PIP5K1B: variants seen among roughly 807,000 people sequenced by gnomAD.
PIP5K1B encodes phosphatidylinositol 4-phosphate 5-kinase type-1 beta.
Under a neutral mutation model 67.0 loss-of-function variants are expected in PIP5K1B, and 42 were observed. The observed-to-expected ratio is 0.63, with a 90% CI of 0.49 to 0.81. The LOEUF (loss-of-function observed/expected upper bound fraction) is 0.81, where lower values mean the gene tolerates loss of function less well. PIP5K1B is among the 30% of genes least tolerant of loss of function. The pLI, the probability that PIP5K1B is intolerant of heterozygous loss-of-function variation, is 0.00. For missense variants in PIP5K1B, 459 were observed against 646.3 expected (o/e 0.71, Z 3.14); for synonymous variants, 214 against 231.4 (o/e 0.92, Z 0.68).
chr9:68,963,247 A>C (rs1828840741), intron 14 of PIP5K1B: 2 of 456,080 alleles, frequency 4.4e-6, no homozygotes, highest in Non-Finnish European at 8.8e-6. Flanking sequence ...TCACACCTGT[A>C]ATCCCAGCAC....
intron 4 of PIP5K1B, among the ~76,000 whole-genome samples, chr9:68,852,270 T>G (rs764440263): frequency 5.9e-5 from 9 of 152,092 alleles, no homozygotes; most frequent in Non-Finnish European, 1.2e-4. Flanking sequence ...TGCAAAGATG[T>G]GGGAGAAATG....
intron 4 of PIP5K1B, among the ~76,000 whole-genome samples, chr9:68,823,787 C>T (rs1288536679): frequency 1.3e-5 from 2 of 152,166 alleles, no homozygotes; most frequent in African/African-American, 4.8e-5. Flanking sequence ...GGACAGCCTG[C>T]AAGACGTTTA....
rs115435266 is a variant in PIP5K1B at position 68,834,367 on chromosome 9, A to G, written c.69+11684A>G. ...TATCATTGCCTTTGTCCACCCTCCC[A>G]GGCAGTGGCTGTCAGTCACCCTCCC... is the stretch of plus-strand genomic sequence containing the variant. On this transcript the variant is annotated intron_variant, in intron 4 of 15. Coordinates refer to ENST00000265382, the MANE Select transcript of PIP5K1B (RefSeq NM_003558.4). Among the ~76,000 whole-genome samples the G allele has an allele frequency of 8.6e-3, 1,304 of 152,240 alleles. 26 individuals are homozygous for G. Among genetic ancestry groups the G allele is most frequent in the African/African-American group, 0.03 (1,235 of 41,530 alleles).
chr9:68,852,486 G>A (rs1822542496), intron 4 of PIP5K1B, among the ~76,000 whole-genome samples: 1 of 152,134 alleles, frequency 6.6e-6, no homozygotes, highest in Admixed American at 6.5e-5. Flanking sequence ...CCTTAAGGAG[G>A]GAGGGATGGA....
At chr9:68,724,907 A>G (rs915573510) in intron 1 of PIP5K1B, among the ~76,000 whole-genome samples, 4 of 152,132 alleles carry the variant, frequency 2.6e-5, no homozygotes, top group Non-Finnish European at 5.9e-5. Flanking sequence ...AAAGTGAACA[A>G]CTCAAATTTT....
chr9:68,780,085 AGC>A, intron 2 of PIP5K1B: 3 of 1,424,352 alleles, frequency 2.1e-6, no homozygotes, highest in Non-Finnish European at 2.8e-6. Flanking sequence ...TGGCGGCGGC[AGC>A]GGCGGCGGCC....
chr9:68,763,512 A>G (rs1002507895), intron 2 of PIP5K1B, among the ~76,000 whole-genome samples: 4 of 152,118 alleles, frequency 2.6e-5, no homozygotes, highest in Non-Finnish European at 4.4e-5. Flanking sequence ...CAATGATATT[A>G]CATGAGGTTG....
At chr9:68,763,563 T>C (rs1480651283) in intron 2 of PIP5K1B, among the ~76,000 whole-genome samples, 1 of 152,072 alleles carries the variant, frequency 6.6e-6, no homozygotes, top group Non-Finnish European at 1.5e-5. Context: ...CTAAGGAGTT[T>C]TGACATAATA....
At position 68,780,882 on chromosome 9, in the gene PIP5K1B, T is replaced by C. The variant is rs1831226733; in HGVS notation, c.-85-37579T>C. ...GCTGTCAGATCCTGGTGTGTGTGTATCTTCGGATACCCTTGATGGAAACAG... is the reference window on the plus strand; with the variant it reads ...GCTGTCAGATCCTGGTGTGTGTGTACCTTCGGATACCCTTGATGGAAACAG... On this transcript the variant is annotated intron_variant, in intron 2 of 15. Transcript: ENST00000265382. 2 of 1,614,248 alleles carry C rather than the reference T, an allele frequency of 1.2e-6. No individual in the cohort carries two copies. The highest frequency in any genetic ancestry group is 4.5e-5 in the East Asian group (2 of 44,884).
intron 1 of PIP5K1B, chr9:68,741,441 A>G (rs537440072): frequency 2.6e-5 from 4 of 152,312 alleles, no homozygotes; most frequent in Admixed American, 2.0e-4. Flanking sequence ...GAGAACAAGC[A>G]GTAGAAATAT....
intron 14 of PIP5K1B, among the ~76,000 whole-genome samples, chr9:68,955,566 A>G (rs573133811): frequency 1.3e-5 from 2 of 152,326 alleles, no homozygotes; most frequent in South Asian, 4.1e-4. Flanking sequence ...CGATCTCTGG[A>G]AAAGTGGGGA....
Position 68,876,728 on chromosome 9 carries a change from G to A in PIP5K1B, c.252G>A (p.Lys84=), listed in dbSNP as rs982133429. ...PAHHYPDFRF[K]TYAPLAFRYF... ...ATCACTACCCAGACTTTAGATTTAA[G>A]ACATACGCTCCATTAGCATTCCGAT... The change falls in exon 6 of 16, where the codon AAG becomes AAA. Residue 84 remains lysine (K), a synonymous_variant. Coordinates refer to ENST00000265382, the MANE Select transcript of PIP5K1B (RefSeq NM_003558.4). 3 of 1,611,798 alleles carry A rather than the reference G, an allele frequency of 1.9e-6. No homozygotes were observed. In the African/African-American group the frequency reaches 4.0e-5, roughly 22 times the overall value.
intron 14 of PIP5K1B, among the ~76,000 whole-genome samples, chr9:68,957,874 CT>C (rs61201790): frequency 0.23 from 33,394 of 146,766 alleles, 4,352 homozygotes; most frequent in East Asian, 0.51. Flanking sequence ...GTTTTCTTTT[CT>C]TTTTTTTTTT....
chr9:68,874,343 T>G (rs1823770938), intron 5 of PIP5K1B, among the ~76,000 whole-genome samples: 1 of 152,176 alleles, frequency 6.6e-6, no homozygotes, highest in Non-Finnish European at 1.5e-5. Context: ...TGTTATTATT[T>G]CTGTATGCCT....
At chr9:68,894,057 G>T (rs538933271) in intron 7 of PIP5K1B, among the ~76,000 whole-genome samples, 7 of 152,294 alleles carry the variant, frequency 4.6e-5, no homozygotes, top group African/African-American at 1.4e-4. Flanking sequence ...AGTCACTCAT[G>T]GCACCAGTCA....
chr9:68,759,117 A>G (rs1321719752), intron 2 of PIP5K1B, among the ~76,000 whole-genome samples: 1 of 152,152 alleles, frequency 6.6e-6, no homozygotes, highest in Non-Finnish European at 1.5e-5. Context: ...AAGGGAAATG[A>G]TGCCAGAAAA....
chr9:68,960,735 T>C (rs924007261), intron 14 of PIP5K1B, among the ~76,000 whole-genome samples: 2 of 152,238 alleles, frequency 1.3e-5, no homozygotes, highest in African/African-American at 2.4e-5. Context: ...TTTTATTTCA[T>C]AGTTGCTGTA....
Position 68,872,244 on chromosome 9 carries a change from G to A in PIP5K1B, c.201-4433G>A, listed in dbSNP as rs532928981. 9.8e-5 allele frequency among the ~76,000 whole-genome samples: 15 copies of A among 152,322 alleles called. No homozygotes were observed. The South Asian group carries it at 3.1e-3, about 32-fold the overall frequency. On this transcript the variant is annotated intron_variant, in intron 5 of 15. Transcript: ENST00000265382. ...AAATGTGCCAGCGTGGGGCCTCAGAGAACCAAGGTTGTTGCCTGCTGGCTG... is the reference window on the plus strand; with the variant it reads ...AAATGTGCCAGCGTGGGGCCTCAGAAAACCAAGGTTGTTGCCTGCTGGCTG...
chr9:68,734,582 T>G (rs2132298701), intron 1 of PIP5K1B, among the ~76,000 whole-genome samples: 1 of 152,334 alleles, frequency 6.6e-6, no homozygotes, highest in South Asian at 2.1e-4. Context: ...ATCCTCCTCC[T>G]TTTTCTCTCT....
Sources: gnomAD v4.1 joint callset for allele counts (sites outside exome capture counted in the v4.1 genomes callset) on GRCh38, gnomAD v4.1.1 for gene constraint, MANE v1.5 for transcripts, NCBI Gene and HGNC (gene_info 2026-07-23, HGNC 2026-07-21) for gene names.